The following LHFPL6 variants were observed in gnomAD, a reference collection of about 807,000 sequenced individuals.
LHFPL6 encodes the protein LHFPL tetraspan subfamily member 6 protein.
In LHFPL6, 9 loss-of-function variants were observed where a neutral mutation model predicts 20.6. That is an observed-to-expected ratio of 0.44 (90% CI 0.26 to 0.76). The LOEUF is 0.76. Ranked by LOEUF, LHFPL6 falls within the 30% of genes least tolerant of loss-of-function variation. The pLI is 0.20. For synonymous variants in LHFPL6, 105 were observed against 98.7 expected, an observed-to-expected ratio of 1.06 and a Z score of -0.38; for missense variants, 218 against 253.5, an observed-to-expected ratio of 0.86 and a Z score of 0.95.
chr13:39,532,259 C>T (rs576815391), intron 2 of LHFPL6, among the ~76,000 whole-genome samples: 3 of 152,220 alleles, frequency 2.0e-5, no homozygotes, highest in South Asian at 4.1e-4. Flanking sequence ...TTAGTGGTTC[C>T]CAAGTGCCTA....
chr13:39,569,775 A>G (rs1871854400), intron 2 of LHFPL6, among the ~76,000 whole-genome samples: 1 of 152,252 alleles, frequency 6.6e-6, no homozygotes, highest in Admixed American at 6.5e-5. Flanking sequence ...ATAAATTAAT[A>G]TCTTCACTTT....
intron 2 of LHFPL6, among the ~76,000 whole-genome samples, chr13:39,581,276 C>T (rs1872273625): frequency 6.6e-6 from 1 of 152,098 alleles, no homozygotes; most frequent in African/African-American, 2.4e-5. Context: ...AAAACCACTC[C>T]ACACAAAGTA....
At chr13:39,481,282 T>C (rs1868510463) in intron 2 of LHFPL6, among the ~76,000 whole-genome samples, 1 of 152,224 alleles carries the variant, frequency 6.6e-6, no homozygotes, top group African/African-American at 2.4e-5. Context: ...CTTCAAACTG[T>C]TTATTTCATA....
intron 2 of LHFPL6, among the ~76,000 whole-genome samples, chr13:39,455,830 T>C (rs1286743084): frequency 6.6e-6 from 1 of 152,226 alleles, no homozygotes; most frequent in Non-Finnish European, 1.5e-5. Flanking sequence ...ACAGCCTATG[T>C]TGTTTACATG....
chr13:39,365,298 C>T (rs544200393), intron 3 of LHFPL6, among the ~76,000 whole-genome samples: 3 of 152,264 alleles, frequency 2.0e-5, no homozygotes, highest in South Asian at 4.1e-4. Context: ...CCTGTCTGTA[C>T]CGGTCATACT....
chr13:39,532,780 T>C (rs952533775), intron 2 of LHFPL6, among the ~76,000 whole-genome samples: 3 of 152,190 alleles, frequency 2.0e-5, no homozygotes, highest in Non-Finnish European at 4.4e-5. Context: ...CATTACTAAG[T>C]GTTCCAAAGA....
At chr13:39,602,164 A>T (rs1872972778) in intron 1 of LHFPL6, among the ~76,000 whole-genome samples, 1 of 152,188 alleles carries the variant, frequency 6.6e-6, no homozygotes, top group South Asian at 2.1e-4. Context: ...AGTCATCCAA[A>T]TGGTTCCAGG....
chr13:39,403,300 C>G (rs1384976140), intron 2 of LHFPL6, among the ~76,000 whole-genome samples: 2 of 152,190 alleles, frequency 1.3e-5, no homozygotes, highest in Admixed American at 1.3e-4. Flanking sequence ...TCTATAGGCT[C>G]TTGTGTTCTA....
intron 2 of LHFPL6, among the ~76,000 whole-genome samples, chr13:39,548,365 A>G (rs1321428931): frequency 1.3e-5 from 2 of 152,076 alleles, no homozygotes; most frequent in Admixed American, 6.6e-5. Context: ...TTCTAATTCA[A>G]ATTAAAGAAC....
intron 2 of LHFPL6, among the ~76,000 whole-genome samples, chr13:39,562,417 CATATACAT>C (rs1555268241): frequency 5.2e-5 from 3 of 57,902 alleles, no homozygotes; most frequent in African/African-American, 1.0e-4. Flanking sequence ...CACATATACA[CATATACAT>C]ATATACATAT....
At chr13:39,421,330 C>A (rs1022153022) in intron 2 of LHFPL6, among the ~76,000 whole-genome samples, 10 of 152,110 alleles carry the variant, frequency 6.6e-5, no homozygotes, top group Admixed American at 6.5e-4. Context: ...TTAAAAATTT[C>A]TCAGAGATAT....
At position 39,464,762 on chromosome 13, in the gene LHFPL6, T is replaced by C. The variant is rs532699121; in HGVS notation, c.386-86236A>G. Among the ~76,000 whole-genome samples the C allele has an allele frequency of 4.0e-5, 6 of 150,844 alleles. No homozygotes were observed. In the South Asian group the frequency reaches 1.1e-3, roughly 27 times the overall value. Reference sequence around the variant, plus strand: ...TTGCATTTTGAATATTTGGTTACTATAGAAATAAAGTATATGACCTATTCC... The same window carrying C: ...TTGCATTTTGAATATTTGGTTACTACAGAAATAAAGTATATGACCTATTCC... On this transcript the variant is annotated intron_variant, in intron 2 of 3. Transcript: ENST00000379589.
intron 2 of LHFPL6, among the ~76,000 whole-genome samples, chr13:39,395,611 T>C (rs549005874): frequency 2.9e-4 from 44 of 152,318 alleles, no homozygotes; most frequent in African/African-American, 1.0e-3. Context: ...TGGACCTCAG[T>C]CAGGGTTTCT....
In LHFPL6 at chr13:39,412,366, T is replaced by C. The variant is rs553792858; in HGVS notation, c.386-33840A>G. 7.9e-5 allele frequency among the ~76,000 whole-genome samples: 12 copies of C among 152,372 alleles called. No individual in the cohort carries two copies. In the South Asian group the frequency reaches 1.4e-3, roughly 18 times the overall value. The stretch of plus-strand genomic sequence containing the variant: ...CCAAGCAATTTTAGATTTTTACATA[T>C]GACTTTTGACTGACCACTACTTCTA... On this transcript the variant is annotated intron_variant, in intron 2 of 3. Transcript: ENST00000379589.
At chr13:39,602,370 C>A (rs1013785966) in intron 1 of LHFPL6, among the ~76,000 whole-genome samples, 1 of 152,150 alleles carries the variant, frequency 6.6e-6, no homozygotes, top group African/African-American at 2.4e-5. Context: ...TTTTCTCTAA[C>A]CACCGCCCAT....
intron 2 of LHFPL6, among the ~76,000 whole-genome samples, chr13:39,562,517 T>A (rs890408454): frequency 6.9e-6 from 1 of 144,822 alleles, no homozygotes; most frequent in South Asian, 2.1e-4. Flanking sequence ...TATATACATA[T>A]ATACACATAT....
intron 2 of LHFPL6, among the ~76,000 whole-genome samples, chr13:39,586,821 A>G (rs1052369686): frequency 1.3e-5 from 2 of 152,172 alleles, no homozygotes; most frequent in African/African-American, 4.8e-5. Flanking sequence ...AGTCAGGTGC[A>G]CCCATAGCCA....
chr13:39,518,303 A>G (rs545848746), intron 2 of LHFPL6, among the ~76,000 whole-genome samples: 1 of 152,340 alleles, frequency 6.6e-6, no homozygotes, highest in East Asian at 1.9e-4. Context: ...ATATTAAAGT[A>G]CCAACACTTT....
chr13:39,408,213 TTAA>T, intron 2 of LHFPL6, among the ~76,000 whole-genome samples: 1 of 152,220 alleles, frequency 6.6e-6, no homozygotes. Context: ...TGTAAATTTA[TTAA>T]TAAGTCAGAC....
Sources: allele counts gnomAD v4.1 joint callset (sites outside exome capture counted in the v4.1 genomes callset), GRCh38; gene constraint gnomAD v4.1.1; transcripts MANE v1.5; gene names NCBI Gene and HGNC (gene_info 2026-07-23, HGNC 2026-07-21).